The following CNTNAP2 variants were observed in gnomAD, a reference collection of about 807,000 sequenced individuals.
The protein encoded by CNTNAP2 is contactin associated protein 2.
Under a neutral mutation model 155.2 loss-of-function variants are expected in CNTNAP2, and 98 were observed. The ratio of observed to expected loss-of-function variants is 0.63; its 90% confidence interval spans 0.54 to 0.75. The LOEUF (loss-of-function observed/expected upper bound fraction) is 0.75. Among genes scored for constraint, CNTNAP2 ranks in the 30% least tolerant of loss-of-function variants. The pLI is 0.00. For missense variants in CNTNAP2, 1,727 were observed against 1,688.1 expected, an observed-to-expected ratio of 1.02 and a Z score of -0.40; for synonymous variants, 651 against 631.2, an observed-to-expected ratio of 1.03 and a Z score of -0.47.
intron 1 of CNTNAP2, among the ~76,000 whole-genome samples, chr7:146,425,778 C>T (rs902976922): frequency 6.6e-6 from 1 of 152,078 alleles, no homozygotes; most frequent in African/African-American, 2.4e-5. Flanking sequence ...TCTAAGTGAA[C>T]CCTATGTGGT....
At chr7:146,999,711 T>C (rs1392511978) in intron 3 of CNTNAP2, among the ~76,000 whole-genome samples, 1 of 152,100 alleles carries the variant, frequency 6.6e-6, no homozygotes, top group East Asian at 1.9e-4. Flanking sequence ...TCCTGCTCTC[T>C]CTTAGCCCGT....
chr7:146,694,146 A>G (rs1424292661), intron 1 of CNTNAP2, among the ~76,000 whole-genome samples: 2 of 152,220 alleles, frequency 1.3e-5, no homozygotes, highest in Non-Finnish European at 2.9e-5. Context: ...TAAGTGATGA[A>G]CTGAGAGAAG....
At chr7:148,159,597 C>T (rs1183047321) in intron 17 of CNTNAP2, among the ~76,000 whole-genome samples, 1 of 152,142 alleles carries the variant, frequency 6.6e-6, no homozygotes, top group African/African-American at 2.4e-5. Flanking sequence ...ACGAATAACC[C>T]TCCAGGGAAT....
At chr7:148,111,753 C>T (rs142779491) in intron 15 of CNTNAP2, among the ~76,000 whole-genome samples, 96 of 152,304 alleles carry the variant, frequency 6.3e-4, no homozygotes, top group African/African-American at 2.1e-3. Flanking sequence ...TTCCCGGTAG[C>T]AGCCCTGACA....
chr7:147,995,142 T>C (rs1801779955), intron 15 of CNTNAP2, among the ~76,000 whole-genome samples: 2 of 152,186 alleles, frequency 1.3e-5, no homozygotes, highest in African/African-American at 4.8e-5. Flanking sequence ...CCCAAGGTTT[T>C]ATTGGGTACT....
At chr7:146,559,731 G>T (rs1432185166) in intron 1 of CNTNAP2, among the ~76,000 whole-genome samples, 2 of 152,080 alleles carry the variant, frequency 1.3e-5, no homozygotes, top group East Asian at 1.9e-4. Context: ...ATTTTGGATA[G>T]ATTTCAGCCC....
intron 1 of CNTNAP2, among the ~76,000 whole-genome samples, chr7:146,338,441 T>TTC (rs1801316487): frequency 6.6e-6 from 1 of 152,172 alleles, no homozygotes; most frequent in African/African-American, 2.4e-5. Flanking sequence ...GCATCAGATA[T>TTC]AAAGTTATAT....
intron 13 of CNTNAP2, among the ~76,000 whole-genome samples, chr7:147,748,060 G>T (rs1584935614): frequency 6.6e-6 from 1 of 152,062 alleles, no homozygotes; most frequent in East Asian, 1.9e-4. Flanking sequence ...ACCATAATCA[G>T]ATCTAATGAT....
At chr7:147,666,474 G>A (rs1795698920) in intron 13 of CNTNAP2, among the ~76,000 whole-genome samples, 1 of 152,138 alleles carries the variant, frequency 6.6e-6, no homozygotes, top group African/African-American at 2.4e-5. Flanking sequence ...ATTACAAGCA[G>A]TATATAATGC....
At chr7:147,899,768 C>T (rs1799832532) in intron 13 of CNTNAP2, among the ~76,000 whole-genome samples, 1 of 152,106 alleles carries the variant, frequency 6.6e-6, no homozygotes, top group African/African-American at 2.4e-5. Context: ...GCCTGTAATC[C>T]CAGCTACTTG....
chr7:147,435,488 T>G (rs1392885500), intron 10 of CNTNAP2, among the ~76,000 whole-genome samples: 1 of 152,194 alleles, frequency 6.6e-6, no homozygotes, highest in Non-Finnish European at 1.5e-5. Context: ...AGACTATATA[T>G]CCATGGATTG....
intron 9 of CNTNAP2, among the ~76,000 whole-genome samples, chr7:147,369,074 GA>G (rs1194158512): frequency 6.6e-6 from 1 of 152,042 alleles, no homozygotes; most frequent in Non-Finnish European, 1.5e-5. Context: ...CTATACAACG[GA>G]AAAAAGTATG....
At chr7:147,275,034 C>T (rs1448547087) in intron 8 of CNTNAP2, among the ~76,000 whole-genome samples, 1 of 151,804 alleles carries the variant, frequency 6.6e-6, no homozygotes, top group Admixed American at 6.6e-5. Flanking sequence ...ATTTTTATAC[C>T]AATACCATGC....
chr7:147,701,017 A>G (rs148720644), intron 13 of CNTNAP2, among the ~76,000 whole-genome samples: 2,509 of 152,260 alleles, frequency 0.016, 223 homozygotes, highest in Admixed American at 0.15. Flanking sequence ...GCATTCCTCC[A>G]CGGATGCTCA....
chr7:148,324,209 A>T (rs890974465), intron 21 of CNTNAP2, among the ~76,000 whole-genome samples: 2 of 151,962 alleles, frequency 1.3e-5, no homozygotes, highest in Non-Finnish European at 2.9e-5. Context: ...TAATTTTCCA[A>T]ATGAAGGTGA....
At chr7:147,939,145 A>G (rs1434515631) in intron 14 of CNTNAP2, among the ~76,000 whole-genome samples, 1 of 152,172 alleles carries the variant, frequency 6.6e-6, no homozygotes, top group Non-Finnish European at 1.5e-5. Flanking sequence ...CAGTTGATAA[A>G]AAGATGTTCG....
chr7:147,609,898 G>A (rs74643898), intron 12 of CNTNAP2, among the ~76,000 whole-genome samples: 2,459 of 152,002 alleles, frequency 0.016, 52 homozygotes, highest in African/African-American at 0.055. Context: ...AAATAAATTC[G>A]GGGAAAGACA....
chr7:147,030,690 C>A (rs1799013911), intron 3 of CNTNAP2, among the ~76,000 whole-genome samples: 2 of 152,010 alleles, frequency 1.3e-5, no homozygotes, highest in African/African-American at 4.8e-5. Context: ...TACTAGTTAG[C>A]TGACTTACTT....
rs11440955 is a variant in CNTNAP2, at chr7:147,788,900, CTTTTT to C, written c.2099-114647_2099-114643del. Among the ~76,000 whole-genome samples, 9 of 100,746 alleles carry C rather than the reference CTTTTT, an allele frequency of 8.9e-5. 1 individual carries two copies. In the South Asian group the frequency reaches 1.9e-3, roughly 21 times the overall value. 66.1% of individuals were successfully genotyped at this position (100,746 alleles called of 152,430 possible). A position where few individuals can be genotyped will look rare whatever the true frequency, so the allele number is the denominator to read the frequency against. On this transcript the variant is annotated intron_variant, in intron 13 of 23. Transcript: ENST00000361727. Reference sequence around the variant, plus strand: ...TAGGATATACTTTTTTTTTCTTTTTCTTTTTTTTTTTTTTTTTTTTTTGAGACAGT... The same window carrying C: ...TAGGATATACTTTTTTTTTCTTTTTCTTTTTTTTTTTTTTTTTGAGACAGT...
Sources: gnomAD v4.1 joint callset for allele counts (sites outside exome capture counted in the v4.1 genomes callset) on GRCh38, gnomAD v4.1.1 for gene constraint, MANE v1.5 for transcripts, NCBI Gene and HGNC (gene_info 2026-07-23, HGNC 2026-07-21) for gene names.